Variants in AFDN observed in about 807,000 individuals in gnomAD.
The protein encoded by AFDN is afadin, adherens junction formation factor.
A neutral mutation model predicts 216.6 loss-of-function variants in AFDN; 68 were observed. That is an observed-to-expected ratio of 0.31 (90% CI 0.26 to 0.38). The LOEUF is 0.38. Among genes scored for constraint, AFDN ranks in the 10% least tolerant of loss-of-function variants. The probability of loss-of-function intolerance (pLI) is 1.00; values close to 1 mark genes in which losing one functional copy is unlikely to be tolerated. For synonymous variants in AFDN, 868 were observed against 853.7 expected (o/e 1.02, Z -0.29); for missense variants, 2,136 against 2,342.0 (o/e 0.91, Z 1.82).
At chr6:167,897,834 C>T (rs147774349) in intron 10 of AFDN, among the ~76,000 whole-genome samples, 3,353 of 151,790 alleles carry the variant, frequency 0.022, 60 homozygotes, top group Non-Finnish European at 0.033. Context: ...TTCGTAGAGA[C>T]GGAGTTTCAC....
At chr6:167,942,826 T>C (rs972679336) in intron 23 of AFDN, among the ~76,000 whole-genome samples, 2 of 152,240 alleles carry the variant, frequency 1.3e-5, no homozygotes, top group African/African-American at 4.8e-5. Context: ...TTGCTTTTTG[T>C]ATTAAAATGA....
At chr6:167,930,472 G>A (rs1793145205) in intron 23 of AFDN, among the ~76,000 whole-genome samples, 2 of 152,226 alleles carry the variant, frequency 1.3e-5, no homozygotes, top group South Asian at 2.1e-4. Flanking sequence ...CTCCAGAGTG[G>A]AAGTCAGTGC....
chr6:167,924,639 A>G (rs2128512334), intron 22 of AFDN, among the ~76,000 whole-genome samples: 1 of 152,376 alleles, frequency 6.6e-6, no homozygotes, highest in South Asian at 2.1e-4. Context: ...AAACACAAAA[A>G]GACTGGTAAT....
intron 12 of AFDN, among the ~76,000 whole-genome samples, chr6:167,904,323 C>T (rs955581116): frequency 6.6e-6 from 1 of 152,084 alleles, no homozygotes; most frequent in African/African-American, 2.4e-5. Context: ...ATTCTCCTGC[C>T]TCTGCCTCCT....
chr6:167,949,858 G>A (rs532904580), intron 29 of AFDN, among the ~76,000 whole-genome samples: 1 of 142,580 alleles, frequency 7.0e-6, no homozygotes, highest in South Asian at 2.4e-4. Flanking sequence ...TACCTCACAT[G>A]GATAAACAAT....
chr6:167,854,706 C>T (rs1054317757), intron 1 of AFDN, among the ~76,000 whole-genome samples: 2 of 151,258 alleles, frequency 1.3e-5, no homozygotes. Flanking sequence ...TTGAGACCCA[C>T]CTAAAAGTCT....
At chr6:167,848,491 C>G (rs1409186531) in intron 1 of AFDN, among the ~76,000 whole-genome samples, 1 of 152,104 alleles carries the variant, frequency 6.6e-6, no homozygotes. Flanking sequence ...TGTCCCTATC[C>G]AGAGATTAAT....
rs188593626 is a variant in AFDN at position 167,897,292 on chromosome 6, C to T, written c.1317+320C>T. 8.1e-4 allele frequency among the ~76,000 whole-genome samples: 124 copies of T among 152,220 alleles called. 1 individual carries two copies. The highest frequency in any genetic ancestry group is 2.9e-3 in the African/African-American group (120 of 41,540). ...ACAGGATATAACCTATGCAGAAGTG[C>T]TTATCACTGGAGGTCTGACCACATA... On this transcript the variant is annotated intron_variant, in intron 10 of 33. Coordinates refer to ENST00000683244, the MANE Select transcript of AFDN (RefSeq NM_001386888.1).
chr6:167,880,642 C>T (rs1042702934), intron 6 of AFDN, 125 bp downstream of exon 6: 4 of 928,594 alleles, frequency 4.3e-6, no homozygotes, highest in Non-Finnish European at 1.7e-6. Context: ...ATTTACAAAT[C>T]ATGTGCTAAA....
intron 23 of AFDN, 134 bp downstream of exon 23, chr6:167,925,225 G>A: frequency 1.5e-6 from 1 of 658,096 alleles, no homozygotes; most frequent in Non-Finnish European, 2.7e-6. Flanking sequence ...TTCTGCGTAG[G>A]AGAGGAATGG....
At chr6:167,827,494 C>G (rs1779270141) in intron 1 of AFDN, 1 of 146,098 alleles carries the variant, frequency 6.8e-6, no homozygotes, top group Admixed American at 6.8e-5. Context: ...TCACCTGTTC[C>G]CCTCTCCGGC....
chr6:167,907,380 A>T, intron 13 of AFDN, 91 bp downstream of exon 13: 1 of 976,898 alleles, frequency 1.0e-6, no homozygotes, highest in Non-Finnish European at 1.6e-6. Context: ...ATAAAGGTTC[A>T]GCTGACATGT....
intron 13 of AFDN, among the ~76,000 whole-genome samples, chr6:167,910,664 C>T (rs956400660): frequency 6.6e-6 from 1 of 152,200 alleles, no homozygotes; most frequent in African/African-American, 2.4e-5. Context: ...CAGAGAAAGA[C>T]AAAGTCCAGG....
At chr6:167,921,334 G>A (rs371196040) in intron 21 of AFDN, among the ~76,000 whole-genome samples, 2 of 152,138 alleles carry the variant, frequency 1.3e-5, no homozygotes, top group African/African-American at 4.8e-5. Context: ...TATTTCCGTG[G>A]CCGAGGCATC....
Position 167,915,189 on chromosome 6 carries a change from C to T in AFDN, c.2321C>T (p.Thr774Ile), listed in dbSNP as rs1583393061. ...GCAGATGATGTGCTGCACACGCTCA[C>T]AGGAGCCATGTCCTTGCTACGACGC... is the stretch of plus-strand genomic sequence containing the variant. ...PKIDDVLHTL[T>I]GAMSLLRRCR... The change falls in exon 19 of 34, where the codon ACA becomes ATA. Residue 774 changes from threonine (T) to isoleucine (I), a missense_variant. Around this residue, in one of 8 missense-constraint regions of AFDN, gnomAD observed 817 missense variants for 965.7 expected, o/e 0.85. Coordinates refer to ENST00000683244, the MANE Select transcript of AFDN (RefSeq NM_001386888.1). 1 of 1,614,198 alleles carries T rather than the reference C, an allele frequency of 6.2e-7. No homozygotes were observed. The highest frequency in any genetic ancestry group is 8.5e-7 in the Non-Finnish European group (1 of 1,180,038).
intron 18 of AFDN, 58 bp from the exon 19 acceptor site, chr6:167,915,110 A>G: frequency 6.3e-7 from 1 of 1,579,504 alleles, no homozygotes; most frequent in South Asian, 1.1e-5. Context: ...CTGCACATTC[A>G]AAGGCTTCTT....
At chr6:167,826,879 C>CG (rs1423498527), upstream of AFDN, 36 of 137,752 alleles carry the variant, frequency 2.6e-4, no homozygotes, top group East Asian at 3.7e-3. Context: ...GGGGCGCGGG[C>CG]GGGTGCGGGC....
Position 167,855,353 on chromosome 6 carries a change from C to T in AFDN, c.106-9198C>T, listed in dbSNP as rs924580332. ...CCAGGAGTACCTTGGCAAATGTCTTCTTTCTTAAAATATTTTTAAAAATTA... is the reference window on the plus strand; with the variant it reads ...CCAGGAGTACCTTGGCAAATGTCTTTTTTCTTAAAATATTTTTAAAAATTA... On this transcript the variant is annotated intron_variant, in intron 1 of 33. Coordinates refer to ENST00000683244, the MANE Select transcript of AFDN (RefSeq NM_001386888.1). Among the ~76,000 whole-genome samples the T allele has an allele frequency of 7.2e-5, 11 of 152,150 alleles. No individual in the cohort carries two copies. In the East Asian group the frequency reaches 2.1e-3, roughly 29 times the overall value.
chr6:167,835,679 A>G (rs1326700240), intron 1 of AFDN, among the ~76,000 whole-genome samples: 1 of 152,210 alleles, frequency 6.6e-6, no homozygotes, highest in Non-Finnish European at 1.5e-5. Flanking sequence ...ATTTGGTGCT[A>G]AGGTGCCATC....
Sources: gnomAD v4.1 joint callset for allele counts (sites outside exome capture counted in the v4.1 genomes callset) on GRCh38, gnomAD v4.1.1 for gene constraint, gnomAD v4.1.1 regional missense constraint, MANE v1.5 for transcripts, NCBI Gene and HGNC (gene_info 2026-07-23, HGNC 2026-07-21) for gene names.